EXOC6: variants seen among roughly 807,000 people sequenced by gnomAD.
EXOC6 encodes exocyst complex component 6, also known as SEC15-like 1.
In EXOC6, 60 loss-of-function variants were observed where a neutral mutation model predicts 112.5. The observed-to-expected ratio is 0.53, with a 90% CI of 0.43 to 0.66. The LOEUF (loss-of-function observed/expected upper bound fraction) is 0.66. Among genes scored for constraint, EXOC6 ranks in the 30% least tolerant of loss-of-function variants. EXOC6 has a pLI of 0.00. For missense variants in EXOC6, 855 were observed against 957.1 expected (o/e 0.89, Z 1.41); for synonymous variants, 295 against 308.0 (o/e 0.96, Z 0.44).
At chr10:92,892,012 A>G (rs1849526478) in intron 1 of EXOC6, among the ~76,000 whole-genome samples, 4 of 152,220 alleles carry the variant, frequency 2.6e-5, no homozygotes, top group Admixed American at 2.0e-4. Flanking sequence ...TGCAGATGAA[A>G]AGATTACTTG....
chr10:93,035,626 G>A (rs1284104808), intron 20 of EXOC6, among the ~76,000 whole-genome samples: 3 of 152,186 alleles, frequency 2.0e-5, no homozygotes, highest in Non-Finnish European at 4.4e-5. Flanking sequence ...AGGTTGAGGT[G>A]AGCGGATCAC....
intron 4 of EXOC6, among the ~76,000 whole-genome samples, chr10:92,896,179 ATATTTTTTTTTTTTTT>A (rs1564810103): frequency 0.011 from 140 of 13,052 alleles, 4 homozygotes; most frequent in African/African-American, 0.014. Context: ...ATATATATAT[ATATTTTTTTTTTTTTT>A]TTTTTTTTTT....
At chr10:92,886,791 A>C (rs1019296297) in intron 1 of EXOC6, among the ~76,000 whole-genome samples, 6 of 152,228 alleles carry the variant, frequency 3.9e-5, no homozygotes, top group Non-Finnish European at 5.9e-5. Flanking sequence ...GGGTCAGAAG[A>C]GAGTTGGGAC....
chr10:92,907,174 A>G (rs1008054987), intron 5 of EXOC6, among the ~76,000 whole-genome samples: 20 of 152,178 alleles, frequency 1.3e-4, no homozygotes, highest in Non-Finnish European at 2.2e-4. Flanking sequence ...AGTTCTCTGA[A>G]TCCTAGTTTT....
intron 19 of EXOC6, among the ~76,000 whole-genome samples, chr10:93,000,337 A>G (rs748333214): frequency 6.6e-6 from 1 of 152,190 alleles, no homozygotes; most frequent in Non-Finnish European, 1.5e-5. Context: ...ATTTGGAGAA[A>G]GGCCCAAACA....
chr10:92,832,157 G>T (rs1387386315), upstream of EXOC6, among the ~76,000 whole-genome samples: 1 of 152,338 alleles, frequency 6.6e-6, no homozygotes, highest in East Asian at 1.9e-4. Context: ...AGAATTGTCA[G>T]ATTTTTGCAT....
At chr10:93,057,126 GA>G in intron 21 of EXOC6, 90 bp downstream of exon 21, 3 of 687,356 alleles carry the variant, frequency 4.4e-6, no homozygotes, top group Non-Finnish European at 4.7e-6. Context: ...TGTCAAAAAA[GA>G]AAAGTCTAGA....
intron 1 of EXOC6, among the ~76,000 whole-genome samples, chr10:92,852,979 T>C (rs576005040): frequency 6.6e-6 from 1 of 152,240 alleles, no homozygotes; most frequent in East Asian, 1.9e-4. Context: ...ATTTGCACAC[T>C]GTGTGATCAA....
upstream of EXOC6, chr10:92,848,398 G>C (rs1379525658): frequency 3.4e-6 from 2 of 589,410 alleles, no homozygotes; most frequent in East Asian, 1.3e-4. Flanking sequence ...CCTTCTGCCC[G>C]GCGTTCCGCG....
chr10:92,851,869 A>C (rs1847362452), intron 1 of EXOC6, among the ~76,000 whole-genome samples: 1 of 151,922 alleles, frequency 6.6e-6, no homozygotes, highest in Admixed American at 6.6e-5. Flanking sequence ...TCAGGCATAC[A>C]AGACCAGCCT....
intron 5 of EXOC6, among the ~76,000 whole-genome samples, chr10:92,909,158 C>G (rs1294135945): frequency 6.6e-6 from 1 of 152,004 alleles, no homozygotes; most frequent in African/African-American, 2.4e-5. Flanking sequence ...TATTAAGATG[C>G]TATCATAATG....
At chr10:92,873,179 T>G (rs2133732323) in intron 1 of EXOC6, among the ~76,000 whole-genome samples, 1 of 152,286 alleles carries the variant, frequency 6.6e-6, no homozygotes, top group South Asian at 2.1e-4. Context: ...GAGATACCTC[T>G]TTGGTCAGGA....
chr10:92,998,950 C>T (rs1297829258), intron 19 of EXOC6, among the ~76,000 whole-genome samples: 3 of 152,134 alleles, frequency 2.0e-5, no homozygotes, highest in Non-Finnish European at 2.9e-5. Flanking sequence ...CAGCTCACTG[C>T]AACCTCTGCC....
intron 20 of EXOC6, among the ~76,000 whole-genome samples, chr10:93,046,453 G>C (rs754935141): frequency 6.6e-6 from 1 of 152,176 alleles, no homozygotes. Flanking sequence ...ACCCAACCAA[G>C]GTGGTCTGGA....
intron 19 of EXOC6, among the ~76,000 whole-genome samples, chr10:93,004,219 TG>T (rs1843881350): frequency 6.6e-6 from 1 of 152,202 alleles, no homozygotes; most frequent in African/African-American, 2.4e-5. Context: ...CAATTTGATA[TG>T]ATTTAACCAT....
chr10:93,006,075 G>A (rs1843963841), intron 19 of EXOC6, among the ~76,000 whole-genome samples: 1 of 152,094 alleles, frequency 6.6e-6, no homozygotes, highest in Non-Finnish European at 1.5e-5. Context: ...TGGGAGAATT[G>A]CTTGAGCCTG....
intron 1 of EXOC6, among the ~76,000 whole-genome samples, chr10:92,858,878 G>C (rs935766968): frequency 8.5e-5 from 13 of 152,126 alleles, no homozygotes; most frequent in African/African-American, 3.1e-4. Flanking sequence ...CAATTCTCCT[G>C]TCTCAGCCTC....
At chr10:92,933,724 CAG>C (rs1483045209) in intron 9 of EXOC6, among the ~76,000 whole-genome samples, 1 of 152,044 alleles carries the variant, frequency 6.6e-6, no homozygotes, top group Non-Finnish European at 1.5e-5. Flanking sequence ...AAGGTTTTGG[CAG>C]AAGATATAAT....
At chr10:93,001,044 A>G (rs1843734084) in intron 19 of EXOC6, among the ~76,000 whole-genome samples, 1 of 152,220 alleles carries the variant, frequency 6.6e-6, no homozygotes, top group East Asian at 1.9e-4. Context: ...CTCAATTTTA[A>G]TGCAGTATGT....
Sources: allele counts gnomAD v4.1 joint callset (sites outside exome capture counted in the v4.1 genomes callset), GRCh38; gene constraint gnomAD v4.1.1; transcripts MANE v1.5; gene names NCBI Gene and HGNC (gene_info 2026-07-23, HGNC 2026-07-21).